TMEM132B: variants seen among roughly 807,000 people sequenced by gnomAD.
The protein encoded by TMEM132B is transmembrane protein 132B.
A neutral mutation model predicts 90.8 loss-of-function variants in TMEM132B; 18 were observed. That is an observed-to-expected ratio of 0.20 (90% CI 0.14 to 0.29). TMEM132B has a LOEUF of 0.29. Ranked by LOEUF, TMEM132B falls within the 10% of genes least tolerant of loss-of-function variation. The pLI, the probability that TMEM132B is intolerant of heterozygous loss-of-function variation, is 1.00. For missense variants in TMEM132B, 1,096 were observed against 1,326.8 expected (o/e 0.83, Z 2.70); for synonymous variants, 504 against 523.3 (o/e 0.96, Z 0.50).
At position 125,351,013 on chromosome 12, in the gene TMEM132B, C is replaced by CG. The variant is rs952132203; in HGVS notation, c.959+675dup. ...TAGAGTTTGGTGAAGTTTTTTAGTG[C>CG]GGGGGTTTGGATGGAGTTGTCATGT... On this transcript the variant is annotated intron_variant, in intron 2 of 8. Coordinates refer to ENST00000682704, the MANE Select transcript of TMEM132B (RefSeq NM_001366854.1). Among the ~76,000 whole-genome samples, 10 of 152,182 alleles carry CG rather than the reference C, an allele frequency of 6.6e-5. No individual in the cohort carries two copies. The South Asian group carries it at 1.7e-3, about 25-fold the overall frequency.
At chr12:125,607,286 G>A (rs1241633618) in intron 5 of TMEM132B, among the ~76,000 whole-genome samples, 1 of 152,200 alleles carries the variant, frequency 6.6e-6, no homozygotes, top group Non-Finnish European at 1.5e-5. Flanking sequence ...AGAATAGTTT[G>A]TGAATTGAGC....
chr12:125,218,409 G>A (rs548372399), intron 1 of TMEM132B, among the ~76,000 whole-genome samples: 17 of 152,136 alleles, frequency 1.1e-4, no homozygotes, highest in Non-Finnish European at 1.9e-4. Flanking sequence ...CCTTGTGACC[G>A]AGAGCTTCCA....
In TMEM132B at chr12:125,379,337, CAA is replaced by C. The variant is rs1363604754; in HGVS notation, c.959+28996_959+28997del. Among the ~76,000 whole-genome samples the C allele has an allele frequency of 4.6e-5, 7 of 152,252 alleles. No homozygotes were observed. The East Asian group carries it at 9.6e-4, about 21-fold the overall frequency. ...GACGAGGGAAGCAGAAGTTCACAAT[CAA>C]AGAGAGAGCACTGAATTCTACAGTG... On this transcript the variant is annotated intron_variant, in intron 2 of 8. Coordinates refer to ENST00000682704, the MANE Select transcript of TMEM132B (RefSeq NM_001366854.1).
At chr12:125,480,910 C>A (rs1009063560) in intron 3 of TMEM132B, among the ~76,000 whole-genome samples, 2 of 140,812 alleles carry the variant, frequency 1.4e-5, no homozygotes, top group South Asian at 4.6e-4. Context: ...GCTTATCCAC[C>A]AAGATCAAGT....
chr12:125,638,429 C>T (rs1460233169), intron 5 of TMEM132B, among the ~76,000 whole-genome samples: 5 of 152,104 alleles, frequency 3.3e-5, no homozygotes, highest in Admixed American at 2.0e-4. Context: ...GTACCTACTG[C>T]GCCTCAGACA....
intron 1 of TMEM132B, among the ~76,000 whole-genome samples, chr12:125,278,475 A>ATTT (rs1555235650): frequency 9.9e-6 from 1 of 100,742 alleles, no homozygotes; most frequent in African/African-American, 5.9e-5. Flanking sequence ...GGGAATCTCC[A>ATTT]TCTTTTTTTT....
chr12:125,623,365 T>G (rs540538820), intron 5 of TMEM132B, among the ~76,000 whole-genome samples: 1 of 152,308 alleles, frequency 6.6e-6, no homozygotes, highest in African/African-American at 2.4e-5. Flanking sequence ...TTGGTAACAC[T>G]TGACTATAAA....
chr12:125,644,318 C>T, intron 6 of TMEM132B, 37 bp downstream of exon 6: 1 of 1,606,594 alleles, frequency 6.2e-7, no homozygotes. Flanking sequence ...ATCCGATTGT[C>T]CTGGAGTCCA....
intron 6 of TMEM132B, among the ~76,000 whole-genome samples, chr12:125,645,512 A>G (rs1040658339): frequency 2.6e-5 from 4 of 152,152 alleles, no homozygotes; most frequent in Non-Finnish European, 5.9e-5. Flanking sequence ...CTTGCTGAGG[A>G]ATGTGGGTAA....
At chr12:125,296,720 C>T (rs1875681211) in intron 1 of TMEM132B, among the ~76,000 whole-genome samples, 1 of 152,356 alleles carries the variant, frequency 6.6e-6, no homozygotes, top group South Asian at 2.1e-4. Context: ...TGAATGAATG[C>T]TCCAGTGAGC....
intron 1 of TMEM132B, among the ~76,000 whole-genome samples, chr12:125,347,770 C>G (rs1877409734): frequency 6.6e-6 from 1 of 152,200 alleles, no homozygotes; most frequent in South Asian, 2.1e-4. Flanking sequence ...TTTGCTGACC[C>G]TGGTTCCTGG....
intron 4 of TMEM132B, among the ~76,000 whole-genome samples, chr12:125,556,898 G>A (rs905535835): frequency 6.6e-6 from 1 of 152,114 alleles, no homozygotes; most frequent in Non-Finnish European, 1.5e-5. Flanking sequence ...GGGACTACAG[G>A]CGCCCGCCAC....
At chr12:125,269,745 C>G (rs574666266) in intron 1 of TMEM132B, among the ~76,000 whole-genome samples, 1 of 152,110 alleles carries the variant, frequency 6.6e-6, no homozygotes, top group African/African-American at 2.4e-5. Context: ...ACGGTTTAAG[C>G]AAGACGGAAG....
chr12:125,381,943 T>C (rs960470717), intron 2 of TMEM132B, among the ~76,000 whole-genome samples: 2 of 152,196 alleles, frequency 1.3e-5, no homozygotes, highest in Non-Finnish European at 2.9e-5. Context: ...TGGGGTCTGG[T>C]GCTTCTGATC....
rs974039684 is a variant in TMEM132B, at chr12:125,624,971, C to G, written c.1438-19105C>G. On this transcript the variant is annotated intron_variant, in intron 5 of 8. Coordinates refer to ENST00000682704, the MANE Select transcript of TMEM132B (RefSeq NM_001366854.1). ...TACCACAGTAACCCGAAGAACAGTT[C>G]TGTCGCACCCTCACCAAATTCTGTT... is the stretch of plus-strand genomic sequence containing the variant. Among the ~76,000 whole-genome samples, 5 of 152,104 alleles carry G rather than the reference C, an allele frequency of 3.3e-5. No homozygotes were observed. In the East Asian group the frequency reaches 9.6e-4, roughly 29 times the overall value.
intron 5 of TMEM132B, among the ~76,000 whole-genome samples, chr12:125,593,712 T>C (rs1239809855): frequency 6.6e-6 from 1 of 152,200 alleles, no homozygotes; most frequent in Non-Finnish European, 1.5e-5. Flanking sequence ...CCCTGCAGCT[T>C]TGATGCTTGA....
intron 3 of TMEM132B, among the ~76,000 whole-genome samples, chr12:125,451,999 T>C (rs1881166100): frequency 6.6e-6 from 1 of 152,214 alleles, no homozygotes; most frequent in Admixed American, 6.5e-5. Flanking sequence ...TTGTGAGGCT[T>C]CTTCCACTTT....
intron 3 of TMEM132B, among the ~76,000 whole-genome samples, chr12:125,439,804 T>C (rs1880814985): frequency 6.6e-6 from 1 of 152,210 alleles, no homozygotes; most frequent in African/African-American, 2.4e-5. Context: ...GGCTATGGGT[T>C]TGTCATAGAT....
At chr12:125,197,486 C>A (rs1457986351) in intron 1 of TMEM132B, among the ~76,000 whole-genome samples, 9 of 152,154 alleles carry the variant, frequency 5.9e-5, no homozygotes, top group Admixed American at 4.6e-4. Flanking sequence ...AAGCCATAGG[C>A]CACGGACCAA....
Sources: gnomAD v4.1 joint callset for allele counts (sites outside exome capture counted in the v4.1 genomes callset) on GRCh38, gnomAD v4.1.1 for gene constraint, MANE v1.5 for transcripts, NCBI Gene and HGNC (gene_info 2026-07-23, HGNC 2026-07-21) for gene names.